Variants in TNFRSF10A observed in about 807,000 individuals in gnomAD.
The protein encoded by TNFRSF10A is tumor necrosis factor receptor superfamily member 10A.
In TNFRSF10A, 44 loss-of-function variants were observed where a neutral mutation model predicts 42.8. That is an observed-to-expected ratio of 1.03 (90% CI 0.81 to 1.32). The LOEUF is 1.32. TNFRSF10A is among the 40% of genes most tolerant of loss of function. TNFRSF10A has a pLI of 0.00. For synonymous variants in TNFRSF10A, 259 were observed against 234.2 expected, an observed-to-expected ratio of 1.11 and a Z score of -0.97; for missense variants, 680 against 602.0, an observed-to-expected ratio of 1.13 and a Z score of -1.36.
At chr8:23,194,755 A>G (rs1001795843) in intron 9 of TNFRSF10A, among the ~76,000 whole-genome samples, 3 of 152,242 alleles carry the variant, frequency 2.0e-5, no homozygotes, top group African/African-American at 7.2e-5. Context: ...CTTAAAAATG[A>G]AAGAATTGAG....
intron 9 of TNFRSF10A, 72 bp downstream of exon 9, chr8:23,197,060 A>G (rs1800831941): frequency 1.9e-6 from 3 of 1,599,600 alleles, no homozygotes; most frequent in Non-Finnish European, 1.7e-6. Context: ...ACTCTCAGCA[A>G]TGGGGACACC....
intron 2 of TNFRSF10A, among the ~76,000 whole-genome samples, chr8:23,210,871 C>G (rs747982392): frequency 6.6e-6 from 1 of 152,078 alleles, no homozygotes; most frequent in Admixed American, 6.6e-5. Context: ...ACTCCAACAC[C>G]CTTTCATGAT....
At chr8:23,223,176 C>T (rs190194497) in intron 1 of TNFRSF10A, among the ~76,000 whole-genome samples, 1,590 of 152,368 alleles carry the variant, frequency 0.01, 30 homozygotes, top group African/African-American at 0.037. Flanking sequence ...CGCCATTCTC[C>T]CGCCTCAGCC....
At chr8:23,199,535 C>A (rs761590020) in intron 7 of TNFRSF10A, 87 bp from the exon 8 acceptor site, 1 of 1,490,454 alleles carries the variant, frequency 6.7e-7, no homozygotes, top group East Asian at 2.3e-5. Context: ...GCTGCCACCA[C>A]CCCCTCCCAG....
chr8:23,191,492 A>G lies in TNFRSF10A; in HGVS notation c.*202T>C. 1 of 671,522 alleles carries G rather than the reference A, an allele frequency of 1.5e-6. No individual in the cohort carries two copies. The highest frequency in any genetic ancestry group is 2.4e-6 in the Non-Finnish European group (1 of 414,476). 41.6% of individuals were successfully genotyped at this position (671,522 alleles called of 1,614,324 possible). A position where few individuals can be genotyped will look rare whatever the true frequency, so the allele number is the denominator to read the frequency against. On this transcript the variant is annotated 3_prime_UTR_variant, in exon 10 of 10. Coordinates refer to ENST00000221132, the MANE Select transcript of TNFRSF10A (RefSeq NM_003844.4). ...TTTTGTATTTTTTTGTAAAGACGGC[A>G]TTTCACGATGTTGGTCAGGCTGGTC...
At chr8:23,207,065 A>T (rs898800735) in intron 2 of TNFRSF10A, 17 of 489,204 alleles carry the variant, frequency 3.5e-5, no homozygotes, top group Non-Finnish European at 5.8e-5. Context: ...CGGTGGCCCA[A>T]GATACTGAGA....
chr8:23,198,780 T>C (rs113031587), intron 8 of TNFRSF10A, among the ~76,000 whole-genome samples: 1 of 152,214 alleles, frequency 6.6e-6, no homozygotes, highest in Non-Finnish European at 1.5e-5. Flanking sequence ...TGTGCGTGTA[T>C]GTGCGTGTAC....
At chr8:23,213,436 C>CTTTTTTTTTTTTTTGTTTTTTT (rs1801118722) in intron 1 of TNFRSF10A, among the ~76,000 whole-genome samples, 1 of 68,668 alleles carries the variant, frequency 1.5e-5, no homozygotes, top group Non-Finnish European at 2.6e-5. Context: ...GTTTGCTCCT[C>CTTTTTTTTTTTTTTGTTTTTTT]TTTTTTTTTT....
At chr8:23,192,809 A>G (rs1800774504) in intron 9 of TNFRSF10A, among the ~76,000 whole-genome samples, 1 of 152,214 alleles carries the variant, frequency 6.6e-6, no homozygotes, top group African/African-American at 2.4e-5. Context: ...GATAAACAGA[A>G]ATTGACCCTT....
chr8:23,210,687 C>CA (rs749931353), intron 2 of TNFRSF10A, among the ~76,000 whole-genome samples: 3 of 151,808 alleles, frequency 2.0e-5, no homozygotes, highest in Non-Finnish European at 2.9e-5. Flanking sequence ...ATCTCAAAAA[C>CA]AAAAAACAAA....
chr8:23,200,632 G>T (rs199611236), intron 5 of TNFRSF10A, 32 bp from the exon 6 acceptor site: 1 of 1,613,910 alleles, frequency 6.2e-7, no homozygotes, highest in Admixed American at 1.7e-5. Context: ...CAGGAGTCTC[G>T]GGCTGCTGGT....
intron 2 of TNFRSF10A, 66 bp downstream of exon 2, chr8:23,212,050 T>C: frequency 7.3e-7 from 1 of 1,373,046 alleles, no homozygotes; most frequent in Non-Finnish European, 1.0e-6. Context: ...TGAGATAATT[T>C]TTGTATATAG....
At position 23,219,396 on chromosome 8, in the gene TNFRSF10A, G is replaced by C. The variant is rs191520975; in HGVS notation, c.306+5360C>G. ...CGAAGAGTCCTGTGGACTCTGCTAA[G>C]GAACCCTAGGAGCTCCCAGAGGCCA... On this transcript the variant is annotated intron_variant, in intron 1 of 9. Coordinates refer to ENST00000221132, the MANE Select transcript of TNFRSF10A (RefSeq NM_003844.4). 4.1e-4 allele frequency among the ~76,000 whole-genome samples: 56 copies of C among 136,228 alleles called. 12 individuals carry two copies. The highest frequency in any genetic ancestry group is 1.5e-3 in the African/African-American group (56 of 37,180). The allele number at this position is 136,228 out of a possible 152,430, so 89.4% of individuals were successfully genotyped here.
intron 9 of TNFRSF10A, 148 bp downstream of exon 9, chr8:23,196,984 A>G: frequency 9.9e-7 from 1 of 1,011,350 alleles, no homozygotes. Context: ...GGAGAAGACA[A>G]TTTAGGGTCT....
intron 9 of TNFRSF10A, among the ~76,000 whole-genome samples, chr8:23,194,940 C>T (rs1800801880): frequency 6.6e-6 from 1 of 152,190 alleles, no homozygotes; most frequent in Non-Finnish European, 1.5e-5. Flanking sequence ...ATGTCTATCA[C>T]TTGAGGCCAG....
chr8:23,201,741 C>A, intron 4 of TNFRSF10A, 67 bp downstream of exon 4: 1 of 1,425,720 alleles, frequency 7.0e-7, no homozygotes, highest in Non-Finnish European at 9.7e-7. Flanking sequence ...AGACTCGGGT[C>A]TTTTTAGGGT....
intron 7 of TNFRSF10A, 42 bp downstream of exon 7, chr8:23,199,844 C>G: frequency 1.9e-6 from 3 of 1,614,108 alleles, no homozygotes; most frequent in Non-Finnish European, 2.5e-6. Context: ...GAAGCAGTTC[C>G]TGAGCCCCTG....
At chr8:23,220,333 A>C (rs1259454518) in intron 1 of TNFRSF10A, among the ~76,000 whole-genome samples, 1 of 152,250 alleles carries the variant, frequency 6.6e-6, no homozygotes, top group Non-Finnish European at 1.5e-5. Context: ...GGGCTGGCCC[A>C]ATCTCTATGC....
chr8:23,199,152 C>T (rs1271560699), intron 8 of TNFRSF10A, 114 bp downstream of exon 8: 18 of 1,323,068 alleles, frequency 1.4e-5, no homozygotes, highest in South Asian at 1.1e-4. Context: ...CACGCAGCCC[C>T]GTCCCCTGCA....
Sources: gnomAD v4.1 joint callset for allele counts (sites outside exome capture counted in the v4.1 genomes callset) on GRCh38, gnomAD v4.1.1 for gene constraint, MANE v1.5 for transcripts, NCBI Gene and HGNC (gene_info 2026-07-23, HGNC 2026-07-21) for gene names.